The following ACOX3 variants were observed in gnomAD, a reference collection of about 807,000 sequenced individuals.
ACOX3 encodes the protein peroxisomal acyl-coenzyme A oxidase 3.
A neutral mutation model predicts 81.5 loss-of-function variants in ACOX3; 73 were observed. The observed-to-expected ratio is 0.90, with a 90% CI of 0.74 to 1.09. The LOEUF is 1.09. ACOX3 is among the 50% of genes least tolerant of loss of function. The probability of loss-of-function intolerance (pLI) is 0.00; values close to 1 mark genes in which losing one functional copy is unlikely to be tolerated. For missense variants in ACOX3, 947 were observed against 928.0 expected (o/e 1.02, Z -0.27); for synonymous variants, 387 against 375.1 (o/e 1.03, Z -0.37).
chr4:8,440,674 C>A lies in ACOX3; in HGVS notation c.-41G>T. The A allele has an allele frequency of 1.9e-6, 2 of 1,034,532 alleles. No individual in the cohort carries two copies. The highest frequency in any genetic ancestry group is 2.6e-6 in the Non-Finnish European group (2 of 757,514). 64.1% of individuals were successfully genotyped at this position (1,034,532 alleles called of 1,614,324 possible). On this transcript the variant is annotated 5_prime_UTR_variant, in exon 1 of 18. Coordinates refer to ENST00000356406, the MANE Select transcript of ACOX3 (RefSeq NM_003501.3). ...CACACACTCCACAGTTCAACCCCTGCCAGGGAAACCAAAAGCAGGAAAGGA... is the reference window on the plus strand; with the variant it reads ...CACACACTCCACAGTTCAACCCCTGACAGGGAAACCAAAAGCAGGAAAGGA...
Position 8,439,810 on chromosome 4 carries a change from C to T in ACOX3, c.-15+838G>A, listed in dbSNP as rs558094537. Among the ~76,000 whole-genome samples the T allele has an allele frequency of 3.3e-5, 5 of 152,294 alleles. No individual in the cohort carries two copies. The East Asian group carries it at 5.8e-4, about 18-fold the overall frequency. On this transcript the variant is annotated intron_variant, in intron 1 of 17. Transcript: ENST00000356406. ...AAAGTAAAAATAAAAGCGAGAACTCCCACTAATTTGTGAAAATTCTCAAAG... is the reference window on the plus strand; with the variant it reads ...AAAGTAAAAATAAAAGCGAGAACTCTCACTAATTTGTGAAAATTCTCAAAG...
chr4:8,428,843 G>C lies in ACOX3; in HGVS notation c.-15+11805C>G, dbSNP rs182344028. On this transcript the variant is annotated intron_variant, in intron 1 of 17. Transcript: ENST00000356406. ...TAATCCCAGCGCTTTCGGAGGCCGA[G>C]GCAGGAGGATCGCTTGAGGCCAGGA... is the stretch of plus-strand genomic sequence containing the variant. 7.2e-5 allele frequency among the ~76,000 whole-genome samples: 11 copies of C among 152,308 alleles called. No individual in the cohort carries two copies. The East Asian group carries it at 2.1e-3, about 29-fold the overall frequency.
chr4:8,392,265 A>T, intron 11 of ACOX3, 68 bp downstream of exon 11: 1 of 1,372,552 alleles, frequency 7.3e-7, no homozygotes, highest in Non-Finnish European at 9.5e-7. Flanking sequence ...CAGTCTGCCG[A>T]CCCCTGGTCT....
At position 8,392,351 on chromosome 4, in the gene ACOX3, C is replaced by G. The variant is rs752727286; in HGVS notation, c.1282G>C (p.Gly428Arg). Residue 428 changes from glycine to arginine, a missense_variant, in exon 11 of 18, where the codon GGA (glycine) becomes CGA (arginine). Coordinates refer to ENST00000356406, the MANE Select transcript of ACOX3 (RefSeq NM_003501.3). Reference sequence around the variant, plus strand: ...AACCTACTGGCCAGATAGCCGTGTCCTCCACACGCCTCCCGGCATTCCTGA... The same window carrying G: ...AACCTACTGGCCAGATAGCCGTGTCGTCCACACGCCTCCCGGCATTCCTGA... ...GIQECREACG[G>R]HGYLAMNRLG... The G allele has an allele frequency of 6.3e-6, 10 of 1,598,274 alleles. No individual in the cohort carries two copies. The highest frequency in any genetic ancestry group is 8.5e-6 in the Non-Finnish European group (10 of 1,173,848).
At position 8,409,572 on chromosome 4, in the gene ACOX3, C is replaced by T. The variant is rs139199742; in HGVS notation, c.687+640G>A. ...GGAGGGCTGTGGGATACACTTTGGGCGGGCCTGTCTGTGCACTGTGGGCAG... is the reference window on the plus strand; with the variant it reads ...GGAGGGCTGTGGGATACACTTTGGGTGGGCCTGTCTGTGCACTGTGGGCAG... On this transcript the variant is annotated intron_variant, in intron 6 of 17. Transcript: ENST00000356406. Among the ~76,000 whole-genome samples, 1,013 of 122,302 alleles carry T rather than the reference C, an allele frequency of 8.3e-3. 13 individuals carry two copies. The highest frequency in any genetic ancestry group is 0.031 in the African/African-American group (964 of 31,140). The allele number at this position is 122,302 out of a possible 152,430, so 80.2% of individuals were successfully genotyped here.
chr4:8,402,079 G>A (rs1029208551), intron 7 of ACOX3, among the ~76,000 whole-genome samples: 4 of 152,240 alleles, frequency 2.6e-5, no homozygotes, highest in African/African-American at 9.6e-5. Flanking sequence ...CAAGTCAGGT[G>A]GGGCAGACGA....
chr4:8,397,067 AC>A lies in ACOX3; in HGVS notation c.925del (p.Val309SerfsTer4). 1 of 1,599,754 alleles carries A rather than the reference AC, an allele frequency of 6.3e-7. No individual in the cohort carries two copies. The highest frequency in any genetic ancestry group is 8.5e-7 in the Non-Finnish European group (1 of 1,174,018). On this transcript the variant is annotated frameshift_variant, in exon 9 of 18. Transcript: ENST00000356406. LOFTEE classifies it high-confidence loss of function. ...AAGGATGGCCAGGCTCACGATGGAG[AC>A]CCGGCCCGAGGACAGGCTCCCCAGG... ...ASLGSLSSGR[V>X]SIVSLAILNL...
chr4:8,409,651 TGC>T (rs1721469999), intron 6 of ACOX3, among the ~76,000 whole-genome samples: 1 of 140,520 alleles, frequency 7.1e-6, no homozygotes. Context: ...GGGCTGTCTG[TGC>T]ACTGTGGGCA....
At chr4:8,424,687 C>T (rs1055989087) in intron 1 of ACOX3, among the ~76,000 whole-genome samples, 5 of 152,204 alleles carry the variant, frequency 3.3e-5, no homozygotes, top group South Asian at 2.1e-4. Context: ...GCTGCGACTG[C>T]GCACTCGTGC....
At chr4:8,392,570 C>A in intron 10 of ACOX3, 117 bp from the exon 11 acceptor site, 8 of 1,157,330 alleles carry the variant, frequency 6.9e-6, no homozygotes, top group South Asian at 2.3e-5. Context: ...CAAGACATCC[C>A]GAAAATGACA....
downstream of ACOX3, among the ~76,000 whole-genome samples, chr4:8,361,797 C>G (rs922878009): frequency 6.6e-6 from 1 of 152,160 alleles, no homozygotes; most frequent in African/African-American, 2.4e-5. Context: ...TGCACTAATG[C>G]AAGAGTGACG....
rs932649102 is a variant in ACOX3, at chr4:8,394,872, A to C, written c.1057-130T>G. On this transcript the variant is annotated intron_variant, in intron 9 of 17. Coordinates refer to ENST00000356406, the MANE Select transcript of ACOX3 (RefSeq NM_003501.3). This position sits in a 1 kb window ranked among gnomAD's most constrained non-coding sequence, Gnocchi z 5.9. ...ACACCCACTAGCGCTGAAGGTCTTC[A>C]CATGTCTTCCCGGCACATCAGAAAG... 23 of 1,254,120 alleles carry C rather than the reference A, an allele frequency of 1.8e-5. No homozygotes were observed. Among genetic ancestry groups the C allele is most frequent in the Middle Eastern group, 2.8e-4 (1 of 3,562 alleles). 77.7% of individuals were successfully genotyped at this position (1,254,120 alleles called of 1,614,324 possible). A position where few individuals can be genotyped will look rare whatever the true frequency, so the allele number is the denominator to read the frequency against.
rs1490094704 is a variant in ACOX3, at chr4:8,415,749, C to A, written c.378+17G>T. 3 of 1,610,906 alleles carry A rather than the reference C, an allele frequency of 1.9e-6. No homozygotes were observed. Among genetic ancestry groups the A allele is most frequent in the African/African-American group, 1.3e-5 (1 of 74,866 alleles). On this transcript the variant is annotated intron_variant, in intron 3 of 17. Coordinates refer to ENST00000356406, the MANE Select transcript of ACOX3 (RefSeq NM_003501.3). ...AGCATGAAAGCCGTTTCCCTCTCCC[C>A]TAGGCCGCATGCTCACCAAGCTATG...
intron 6 of ACOX3, among the ~76,000 whole-genome samples, chr4:8,408,343 C>A (rs945125031): frequency 2.0e-5 from 3 of 152,018 alleles, no homozygotes. Flanking sequence ...GGGCGCAGAT[C>A]ACAATCCTGT....
downstream of ACOX3, among the ~76,000 whole-genome samples, chr4:8,363,974 C>T (rs1476453666): frequency 2.0e-5 from 3 of 152,156 alleles, no homozygotes; most frequent in African/African-American, 7.2e-5. Flanking sequence ...GCCCTTGGGG[C>T]TGCTGTATGG....
intron 8 of ACOX3, among the ~76,000 whole-genome samples, chr4:8,398,678 A>G (rs1031544168): frequency 6.6e-6 from 1 of 151,968 alleles, no homozygotes; most frequent in African/African-American, 2.4e-5. Flanking sequence ...GTTTTGCCAT[A>G]TTGCCCAGGC....
chr4:8,367,178 G>A, intron 17 of ACOX3, 98 bp from the exon 18 acceptor site: 1 of 1,494,038 alleles, frequency 6.7e-7, no homozygotes, highest in Non-Finnish European at 9.1e-7. Context: ...CAAAGTTTTT[G>A]TTAAAAACAC....
chr4:8,410,102 A>G lies in ACOX3; in HGVS notation c.687+110T>C. On this transcript the variant is annotated intron_variant, in intron 6 of 17. Transcript: ENST00000356406. ...GGGCAGTGTCCCTGGTCCACTCACCAGATGCCAGAAGCATGCCCCACCCTT... is the reference window on the plus strand; with the variant it reads ...GGGCAGTGTCCCTGGTCCACTCACCGGATGCCAGAAGCATGCCCCACCCTT... 1.4e-6 allele frequency: 2 copies of G among 1,391,244 alleles called. 1 individual carries two copies. Among genetic ancestry groups the G allele is most frequent in the South Asian group, 2.8e-5 (2 of 70,332 alleles). The allele number at this position is 1,391,244 out of a possible 1,614,324, so 86.2% of individuals were successfully genotyped here.
At chr4:8,391,651 C>T (rs918899950) in intron 11 of ACOX3, among the ~76,000 whole-genome samples, 2 of 152,226 alleles carry the variant, frequency 1.3e-5, no homozygotes, top group African/African-American at 4.8e-5. Context: ...ACACTTCATA[C>T]GTGGTAATTC....
Sources: gnomAD v4.1 joint callset for allele counts (sites outside exome capture counted in the v4.1 genomes callset) on GRCh38, gnomAD v4.1.1 for gene constraint, Gnocchi (gnomAD v3.1) non-coding constraint, MANE v1.5 for transcripts, NCBI Gene and HGNC (gene_info 2026-07-23, HGNC 2026-07-21) for gene names.